The following CAMTA1 variants were observed in gnomAD, a reference collection of about 807,000 sequenced individuals.
CAMTA1 encodes the protein calmodulin-binding transcription activator 1.
Under a neutral mutation model 170.9 loss-of-function variants are expected in CAMTA1, and 27 were observed. The ratio of observed to expected loss-of-function variants is 0.16; its 90% confidence interval spans 0.12 to 0.22. The LOEUF (loss-of-function observed/expected upper bound fraction) is 0.22, where lower values mean the gene tolerates loss of function less well. Among genes scored for constraint, CAMTA1 ranks in the 10% least tolerant of loss-of-function variants. The probability of loss-of-function intolerance (pLI) is 1.00; values close to 1 mark genes in which losing one functional copy is unlikely to be tolerated. For synonymous variants in CAMTA1, 833 were observed against 891.5 expected, an observed-to-expected ratio of 0.93 and a Z score of 1.17; for missense variants, 1,619 against 2,217.2, an observed-to-expected ratio of 0.73 and a Z score of 5.42.
At chr1:7,257,418 C>T (rs1371334894) in intron 5 of CAMTA1, among the ~76,000 whole-genome samples, 1 of 152,188 alleles carries the variant, frequency 6.6e-6, no homozygotes, top group African/African-American at 2.4e-5. Flanking sequence ...TCCTCAGTTG[C>T]AATTTGATCC....
chr1:7,731,846 C>A (rs1187170846), intron 11 of CAMTA1, among the ~76,000 whole-genome samples: 1 of 152,274 alleles, frequency 6.6e-6, no homozygotes, highest in East Asian at 1.9e-4. Context: ...CCAATGCACT[C>A]CAGTCTGGGC....
chr1:7,105,046 C>T (rs1471370686), intron 4 of CAMTA1, among the ~76,000 whole-genome samples: 3 of 152,162 alleles, frequency 2.0e-5, no homozygotes, highest in African/African-American at 7.2e-5. Flanking sequence ...CTAGTTACGC[C>T]ATTTCTCTGG....
Position 7,128,322 on chromosome 1 carries a change from A to G in CAMTA1, c.302+36951A>G, listed in dbSNP as rs1645050199. Among the ~76,000 whole-genome samples, 3 of 152,000 alleles carry G rather than the reference A, an allele frequency of 2.0e-5. No individual in the cohort carries two copies. In the South Asian group the frequency reaches 6.2e-4, roughly 32 times the overall value. The stretch of plus-strand genomic sequence containing the variant: ...CTGGGTCCTGTGAGTCCTTTCAGTG[A>G]CTCACCAAACCTGGGGATGGTCTTG... On this transcript the variant is annotated intron_variant, in intron 4 of 22. Transcript: ENST00000303635.
intron 6 of CAMTA1, among the ~76,000 whole-genome samples, chr1:7,520,745 C>T (rs1190564103): frequency 1.3e-5 from 2 of 152,202 alleles, no homozygotes; most frequent in African/African-American, 2.4e-5. Flanking sequence ...AAGAGCCACA[C>T]AGCCTCGTGC....
chr1:7,232,169 T>C (rs7524258), intron 4 of CAMTA1, among the ~76,000 whole-genome samples: 76,135 of 152,036 alleles, frequency 0.5, 20,874 homozygotes, highest in South Asian at 0.63. Context: ...GTCTCTGGCC[T>C]GTGTGGCTGG....
chr1:7,559,683 C>T (rs901263091), intron 6 of CAMTA1, among the ~76,000 whole-genome samples: 13 of 151,998 alleles, frequency 8.6e-5, no homozygotes, highest in Admixed American at 2.0e-4. Flanking sequence ...CAGGGTGGGC[C>T]GGAGGACACA....
intron 2 of CAMTA1, among the ~76,000 whole-genome samples, chr1:6,822,947 T>A (rs1194797558): frequency 6.6e-6 from 1 of 152,110 alleles, no homozygotes; most frequent in Non-Finnish European, 1.5e-5. Flanking sequence ...GGTTTAAAAC[T>A]CTGCTCGTAA....
chr1:7,442,167 G>T (rs917906881), intron 5 of CAMTA1, among the ~76,000 whole-genome samples: 1 of 152,168 alleles, frequency 6.6e-6, no homozygotes, highest in East Asian at 1.9e-4. Context: ...TATGCTCAGC[G>T]CTCAGCAAGG....
intron 5 of CAMTA1, among the ~76,000 whole-genome samples, chr1:7,439,693 G>A (rs905168204): frequency 1.3e-5 from 2 of 152,222 alleles, no homozygotes; most frequent in African/African-American, 4.8e-5. Flanking sequence ...TTCTCATTCA[G>A]GACTGCCCCA....
chr1:7,156,117 T>TA (rs1172584461), intron 4 of CAMTA1, among the ~76,000 whole-genome samples: 1 of 136,242 alleles, frequency 7.3e-6, no homozygotes, highest in African/African-American at 2.7e-5. Flanking sequence ...CTACAAAAAA[T>TA]ACAAAAAAAA....
chr1:7,199,847 C>T (rs565696214), intron 4 of CAMTA1, among the ~76,000 whole-genome samples: 5 of 152,232 alleles, frequency 3.3e-5, no homozygotes, highest in Non-Finnish European at 7.4e-5. Context: ...TAGCCTCATA[C>T]CCGCCACCAG....
intron 22 of CAMTA1, among the ~76,000 whole-genome samples, chr1:7,761,112 A>G (rs1192461796): frequency 2.0e-5 from 3 of 152,190 alleles, no homozygotes; most frequent in Admixed American, 2.0e-4. Flanking sequence ...GGGAATTGAG[A>G]CTACAATGGT....
intron 3 of CAMTA1, among the ~76,000 whole-genome samples, chr1:6,902,746 A>G (rs1441727614): frequency 3.3e-5 from 5 of 152,244 alleles, no homozygotes; most frequent in Admixed American, 3.3e-4. Context: ...GGGAAATACA[A>G]GTTAAAACCA....
chr1:7,504,033 C>A (rs983629509), intron 6 of CAMTA1, among the ~76,000 whole-genome samples: 5 of 152,154 alleles, frequency 3.3e-5, no homozygotes, highest in African/African-American at 1.2e-4. Flanking sequence ...GCCTCCCGGG[C>A]AGGAGAGGGT....
At chr1:7,323,123 T>A (rs6686160) in intron 5 of CAMTA1, among the ~76,000 whole-genome samples, 111,874 of 151,140 alleles carry the variant, frequency 0.74, 42,450 homozygotes, top group African/African-American at 0.9. Flanking sequence ...ACTCCTTTTT[T>A]TAAAAAATTA....
At chr1:7,259,941 T>C (rs567023992) in intron 5 of CAMTA1, among the ~76,000 whole-genome samples, 1 of 152,338 alleles carries the variant, frequency 6.6e-6, no homozygotes, top group African/African-American at 2.4e-5. Flanking sequence ...GCACCTAGTA[T>C]TGAGTACCTT....
At chr1:7,207,673 G>A (rs929755093) in intron 4 of CAMTA1, among the ~76,000 whole-genome samples, 1 of 152,084 alleles carries the variant, frequency 6.6e-6, no homozygotes, top group Non-Finnish European at 1.5e-5. Context: ...CTTGACTCAG[G>A]TGTCCTTCCC....
At chr1:7,405,531 T>G (rs2090224879) in intron 5 of CAMTA1, among the ~76,000 whole-genome samples, 1 of 94,746 alleles carries the variant, frequency 1.1e-5, no homozygotes, top group African/African-American at 5.2e-5. Context: ...CCACCATGCC[T>G]GGCTAATTTT....
intron 3 of CAMTA1, among the ~76,000 whole-genome samples, chr1:6,952,893 A>G (rs1688748980): frequency 6.6e-6 from 1 of 152,222 alleles, no homozygotes; most frequent in Non-Finnish European, 1.5e-5. Flanking sequence ...GAACATACAG[A>G]AAAGAAAAGA....
Sources: gnomAD v4.1 joint callset for allele counts (sites outside exome capture counted in the v4.1 genomes callset) on GRCh38, gnomAD v4.1.1 for gene constraint, MANE v1.5 for transcripts, NCBI Gene and HGNC (gene_info 2026-07-23, HGNC 2026-07-21) for gene names.